The following DCDC1 variants were observed in gnomAD, a reference collection of about 807,000 sequenced individuals.
DCDC1 encodes doublecortin domain containing 1, also known as doublecortin domain-containing protein 1.
DCDC1 carries 200 observed loss-of-function variants against 178.3 expected under a neutral mutation model. The observed-to-expected ratio is 1.12, with a 90% CI of 1.00 to 1.26. DCDC1 has a LOEUF of 1.26. Ranked by LOEUF, DCDC1 falls within the 50% of genes most tolerant of loss-of-function variation. The probability of loss-of-function intolerance (pLI) is 0.00; values close to 1 mark genes in which losing one functional copy is unlikely to be tolerated. For synonymous variants in DCDC1, 690 were observed against 604.8 expected (o/e 1.14, Z -2.07); for missense variants, 1,983 against 1,749.2 (o/e 1.13, Z -2.38).
intron 8 of DCDC1, among the ~76,000 whole-genome samples, chr11:31,259,848 A>G (rs557864743): frequency 5.3e-5 from 8 of 152,038 alleles, no homozygotes; most frequent in Admixed American, 2.0e-4. Flanking sequence ...ACCTTCCCTC[A>G]CTTAGTCTCT....
intron 20 of DCDC1, among the ~76,000 whole-genome samples, chr11:31,037,709 C>A (rs545263720): frequency 1.3e-5 from 2 of 152,086 alleles, no homozygotes; most frequent in South Asian, 4.1e-4. Context: ...GTGATCCACC[C>A]GCCTCGGCCT....
intron 20 of DCDC1, among the ~76,000 whole-genome samples, chr11:31,043,776 C>A (rs1363846436): frequency 6.6e-6 from 1 of 150,760 alleles, no homozygotes; most frequent in South Asian, 2.1e-4. Context: ...GCTGCTGAGC[C>A]GGTAATTTTG....
chr11:30,967,694 T>C (rs1355195327), intron 20 of DCDC1, among the ~76,000 whole-genome samples: 2 of 152,260 alleles, frequency 1.3e-5, no homozygotes, highest in Non-Finnish European at 1.5e-5. Flanking sequence ...TTAGAACTTA[T>C]AAGGAAGTGA....
intron 15 of DCDC1, among the ~76,000 whole-genome samples, chr11:31,095,940 C>T (rs1591028092): frequency 1.3e-5 from 2 of 152,086 alleles, no homozygotes; most frequent in South Asian, 2.1e-4. Flanking sequence ...AATGATGTTG[C>T]TTCAATAACA....
intron 9 of DCDC1, among the ~76,000 whole-genome samples, chr11:31,153,174 C>A (rs193285278): frequency 2.6e-5 from 4 of 152,346 alleles, no homozygotes; most frequent in African/African-American, 9.6e-5. Context: ...TGACTCCCTA[C>A]TGCCTACAGG....
intron 36 of DCDC1, among the ~76,000 whole-genome samples, chr11:30,888,537 G>C (rs1461387687): frequency 6.6e-6 from 1 of 152,114 alleles, no homozygotes; most frequent in Non-Finnish European, 1.5e-5. Flanking sequence ...GACCAACATG[G>C]AGAAACCCCA....
intron 9 of DCDC1, among the ~76,000 whole-genome samples, chr11:31,225,053 A>G (rs1162591371): frequency 6.6e-6 from 1 of 152,192 alleles, no homozygotes; most frequent in Non-Finnish European, 1.5e-5. Flanking sequence ...AAAAAGACAC[A>G]TGCACATGCA....
Position 31,156,287 on chromosome 11 carries a change from C to T in DCDC1, c.1222-18503G>A, listed in dbSNP as rs1414492379. On this transcript the variant is annotated intron_variant, in intron 9 of 38. Coordinates refer to ENST00000684477, the MANE Select transcript of DCDC1 (RefSeq NM_001387274.1). ...CATTTCACTTAATTAGAGTTCAAAGCTAATGTTTCCTATCATCGAATCAAT... is the reference window on the plus strand; with the variant it reads ...CATTTCACTTAATTAGAGTTCAAAGTTAATGTTTCCTATCATCGAATCAAT... Among the ~76,000 whole-genome samples the T allele has an allele frequency of 2.6e-5, 4 of 152,160 alleles. No individual in the cohort carries two copies. In the South Asian group the frequency reaches 8.3e-4, roughly 32 times the overall value.
In DCDC1 at chr11:30,880,895, G is replaced by C. The variant is rs536393842; in HGVS notation, c.5233+263C>G. ...TCATACTAGGGGAATACCTTCAAATGAGGCTCTCAGTATTTCTGCAAATAA... is the reference window on the plus strand; with the variant it reads ...TCATACTAGGGGAATACCTTCAAATCAGGCTCTCAGTATTTCTGCAAATAA... On this transcript the variant is annotated intron_variant, in intron 37 of 38. Coordinates refer to ENST00000684477, the MANE Select transcript of DCDC1 (RefSeq NM_001387274.1). Among the ~76,000 whole-genome samples, 3 of 152,246 alleles carry C rather than the reference G, an allele frequency of 2.0e-5. No homozygotes were observed. The East Asian group carries it at 5.8e-4, about 29-fold the overall frequency.
chr11:30,964,330 G>A (rs896802500), intron 20 of DCDC1, among the ~76,000 whole-genome samples: 1 of 152,114 alleles, frequency 6.6e-6, no homozygotes, highest in African/African-American at 2.4e-5. Context: ...ACCTCTTTGT[G>A]TTCTTTATCA....
intron 9 of DCDC1, among the ~76,000 whole-genome samples, chr11:31,142,944 T>C (rs964021607): frequency 6.6e-6 from 1 of 152,114 alleles, no homozygotes; most frequent in African/African-American, 2.4e-5. Context: ...CTGAACCAAA[T>C]TGATCGCACT....
chr11:31,211,334 T>C (rs867988873), intron 9 of DCDC1, among the ~76,000 whole-genome samples: 2 of 152,370 alleles, frequency 1.3e-5, no homozygotes, highest in Middle Eastern at 6.8e-3. Context: ...TAAGACCATA[T>C]GTATTTATCA....
intron 7 of DCDC1, among the ~76,000 whole-genome samples, chr11:31,279,403 T>C (rs1264193482): frequency 2.0e-5 from 3 of 152,092 alleles, no homozygotes; most frequent in African/African-American, 7.2e-5. Context: ...ACTTAGATTG[T>C]AAAGAGTTCA....
At position 30,916,788 on chromosome 11, in the gene DCDC1, C is replaced by T. The variant is rs571430946; in HGVS notation, c.3452+82G>A. On this transcript the variant is annotated intron_variant, in intron 26 of 38. Transcript: ENST00000684477. ...AAACAGCAGCTAACAGCAGTGAAAA[C>T]TCTTGGGAATATATGTGTCCCAAGG... 8.6e-4 allele frequency: 1,190 copies of T among 1,384,060 alleles called. 2 individuals carry two copies. Among genetic ancestry groups the T allele is most frequent in the Non-Finnish European group, 1.0e-3 (1,102 of 1,053,132 alleles). 85.7% of individuals were successfully genotyped at this position (1,384,060 alleles called of 1,614,324 possible). A position where few individuals can be genotyped will look rare whatever the true frequency, so the allele number is the denominator to read the frequency against.
chr11:31,353,211 T>C (rs777777941), intron 1 of DCDC1, among the ~76,000 whole-genome samples: 4 of 152,234 alleles, frequency 2.6e-5, no homozygotes, highest in Non-Finnish European at 5.9e-5. Context: ...TTGATTTAGT[T>C]GGAAGCAACA....
At chr11:31,254,436 G>A (rs1205712775) in intron 8 of DCDC1, among the ~76,000 whole-genome samples, 1 of 152,114 alleles carries the variant, frequency 6.6e-6, no homozygotes, top group Non-Finnish European at 1.5e-5. Flanking sequence ...GGATATTTAG[G>A]GAGATTACTC....
chr11:31,237,599 A>C (rs1300296455), intron 9 of DCDC1, among the ~76,000 whole-genome samples: 2 of 152,040 alleles, frequency 1.3e-5, no homozygotes, highest in African/African-American at 4.8e-5. Flanking sequence ...GTAATGATTT[A>C]CTACAAATAG....
chr11:31,324,987 G>T (rs947648103), intron 3 of DCDC1, among the ~76,000 whole-genome samples: 1 of 152,076 alleles, frequency 6.6e-6, no homozygotes, highest in Admixed American at 6.5e-5. Context: ...TCAGGGAATT[G>T]TAAGAGTTGG....
chr11:30,928,140 T>C (rs1027846149), intron 22 of DCDC1, among the ~76,000 whole-genome samples: 1 of 152,132 alleles, frequency 6.6e-6, no homozygotes, highest in Non-Finnish European at 1.5e-5. Context: ...ATTCTCATTC[T>C]ATTAGTTATT....
Sources: allele counts gnomAD v4.1 joint callset (sites outside exome capture counted in the v4.1 genomes callset), GRCh38; gene constraint gnomAD v4.1.1; transcripts MANE v1.5; gene names NCBI Gene and HGNC (gene_info 2026-07-23, HGNC 2026-07-21).